The following SLIT3 variants were observed in gnomAD, a reference collection of about 807,000 sequenced individuals.
The protein encoded by SLIT3 is slit homolog 3 protein.
In SLIT3, 68 loss-of-function variants were observed where a neutral mutation model predicts 184.0. The observed-to-expected ratio is 0.37, with a 90% confidence interval of 0.30 to 0.45. The LOEUF is 0.45. Among genes scored for constraint, SLIT3 ranks in the 20% least tolerant of loss-of-function variants. The pLI is 1.00. For synonymous variants in SLIT3, 831 were observed against 828.6 expected (o/e 1.00, Z -0.05); for missense variants, 1,707 against 2,026.0 (o/e 0.84, Z 3.02).
chr5:169,237,168 A>T (rs918719240), intron 3 of SLIT3, among the ~76,000 whole-genome samples: 1 of 152,112 alleles, frequency 6.6e-6, no homozygotes, highest in African/African-American at 2.4e-5. Context: ...TGCTCCCTTA[A>T]GTTCAGTGAC....
At chr5:169,263,230 T>C (rs892153619) in intron 1 of SLIT3, among the ~76,000 whole-genome samples, 4 of 152,222 alleles carry the variant, frequency 2.6e-5, no homozygotes, top group African/African-American at 7.2e-5. Context: ...TAGTCCCAGA[T>C]ACTCAGGAGG....
intron 4 of SLIT3, among the ~76,000 whole-genome samples, chr5:168,907,971 T>TAGAGAGAG (rs1258570486): frequency 6.8e-4 from 48 of 71,100 alleles, no homozygotes; most frequent in East Asian, 1.4e-3. Context: ...TATATATATA[T>TAGAGAGAG]ATATATATAG....
chr5:169,127,593 T>C (rs537817770), intron 4 of SLIT3, among the ~76,000 whole-genome samples: 1 of 152,346 alleles, frequency 6.6e-6, no homozygotes, highest in African/African-American at 2.4e-5. Context: ...AACTCTATTG[T>C]CAAGCAAATC....
chr5:168,779,163 T>C (rs1755876740), intron 12 of SLIT3, among the ~76,000 whole-genome samples: 1 of 152,208 alleles, frequency 6.6e-6, no homozygotes, highest in Admixed American at 6.5e-5. Context: ...TAAATAACTT[T>C]GACCAAAGTT....
At chr5:169,174,909 C>T (rs1762927907) in intron 4 of SLIT3, among the ~76,000 whole-genome samples, 1 of 151,960 alleles carries the variant, frequency 6.6e-6, no homozygotes, top group African/African-American at 2.4e-5. Context: ...AAATGCAACT[C>T]CCTTTGACAT....
At chr5:168,853,671 C>T (rs1758755784) in intron 5 of SLIT3, among the ~76,000 whole-genome samples, 1 of 152,174 alleles carries the variant, frequency 6.6e-6, no homozygotes, top group Non-Finnish European at 1.5e-5. Flanking sequence ...GCATTGAGAG[C>T]TACGTCTCTA....
At chr5:168,973,736 C>T (rs542273373) in intron 4 of SLIT3, among the ~76,000 whole-genome samples, 2 of 152,222 alleles carry the variant, frequency 1.3e-5, no homozygotes, top group East Asian at 1.9e-4. Flanking sequence ...ACTCCTATAC[C>T]CTCTTCCTCC....
chr5:169,294,477 G>T (rs1273742070), intron 1 of SLIT3, among the ~76,000 whole-genome samples: 4 of 152,238 alleles, frequency 2.6e-5, no homozygotes, highest in African/African-American at 9.6e-5. Context: ...AAAAGGAGGG[G>T]CCTAGCCAAG....
intron 4 of SLIT3, among the ~76,000 whole-genome samples, chr5:169,034,718 G>A (rs1005169948): frequency 2.0e-5 from 3 of 151,722 alleles, no homozygotes; most frequent in African/African-American, 7.3e-5. Flanking sequence ...TGGGACCCAA[G>A]CCTCAGGATT....
chr5:169,126,106 G>A (rs1437615928), intron 4 of SLIT3, among the ~76,000 whole-genome samples: 3 of 152,114 alleles, frequency 2.0e-5, no homozygotes, highest in Non-Finnish European at 4.4e-5. Context: ...TTAGAAAGTC[G>A]GGCTTTGCTG....
intron 1 of SLIT3, among the ~76,000 whole-genome samples, chr5:169,293,087 A>G (rs1767404495): frequency 6.6e-6 from 1 of 152,250 alleles, no homozygotes; most frequent in Non-Finnish European, 1.5e-5. Context: ...GCCTATGCCC[A>G]AACTGTACCA....
chr5:168,674,554 T>C (rs539212684), intron 32 of SLIT3, among the ~76,000 whole-genome samples: 47 of 146,824 alleles, frequency 3.2e-4, no homozygotes, highest in African/African-American at 1.1e-3. Flanking sequence ...TGCAGTAGCA[T>C]GATCTTGGCT....
intron 4 of SLIT3, among the ~76,000 whole-genome samples, chr5:169,177,456 G>C (rs776216817): frequency 2.0e-4 from 31 of 152,172 alleles, no homozygotes; most frequent in Non-Finnish European, 3.8e-4. Context: ...TCTTGGGAGG[G>C]GAGGGCTACC....
At chr5:168,953,047 G>A (rs1174901723) in intron 4 of SLIT3, among the ~76,000 whole-genome samples, 1 of 152,224 alleles carries the variant, frequency 6.6e-6, no homozygotes, top group Non-Finnish European at 1.5e-5. Context: ...TGTGGAGGAT[G>A]AGGACCTTGA....
At chr5:168,819,726 T>TTTCC (rs1226544176) in intron 7 of SLIT3, among the ~76,000 whole-genome samples, 28 of 152,310 alleles carry the variant, frequency 1.8e-4, no homozygotes, top group Admixed American at 1.4e-3. Context: ...ATGTCAGAGG[T>TTTCC]TTCCCTTTTG....
chr5:169,030,496 T>C (rs1477570593), intron 4 of SLIT3: 1 of 152,168 alleles, frequency 6.6e-6, no homozygotes, highest in African/African-American at 2.4e-5. Context: ...CAGGCGGAGA[T>C]CTATTATAGA....
At chr5:168,811,289 A>T (rs1006000217) in intron 8 of SLIT3, among the ~76,000 whole-genome samples, 1 of 152,180 alleles carries the variant, frequency 6.6e-6, no homozygotes, top group South Asian at 2.1e-4. Context: ...AGTGCTCTGT[A>T]TATATTATCT....
At chr5:169,021,117 GA>G (rs1328155989) in intron 4 of SLIT3, among the ~76,000 whole-genome samples, 2 of 152,196 alleles carry the variant, frequency 1.3e-5, no homozygotes, top group African/African-American at 4.8e-5. Context: ...TCATCTAGAA[GA>G]TGTAGTTCTT....
intron 4 of SLIT3, among the ~76,000 whole-genome samples, chr5:168,955,433 C>A (rs544528054): frequency 1.3e-5 from 2 of 152,350 alleles, no homozygotes; most frequent in South Asian, 4.1e-4. Context: ...AGCTCTGCTT[C>A]TCCTCTTTTC....
Sources: gnomAD v4.1 joint callset for allele counts (sites outside exome capture counted in the v4.1 genomes callset) on GRCh38, gnomAD v4.1.1 for gene constraint, MANE v1.5 for transcripts, NCBI Gene and HGNC (gene_info 2026-07-23, HGNC 2026-07-21) for gene names.